The following PBLD variants were observed in gnomAD, a reference collection of about 807,000 sequenced individuals.
The protein encoded by PBLD is phenazine biosynthesis-like domain-containing protein.
In PBLD, 26 loss-of-function variants were observed where a neutral mutation model predicts 31.3. The ratio of observed to expected loss-of-function variants is 0.83; its 90% CI spans 0.61 to 1.15. The LOEUF (loss-of-function observed/expected upper bound fraction) is 1.15. Ranked by LOEUF, PBLD falls within the 50% of genes most tolerant of loss-of-function variation. PBLD has a pLI of 0.00. For synonymous variants in PBLD, 114 were observed against 129.0 expected (o/e 0.88, Z 0.79); for missense variants, 307 against 351.7 (o/e 0.87, Z 1.02).
At chr10:68,303,194 C>T (rs2134465561) in intron 2 of PBLD, among the ~76,000 whole-genome samples, 1 of 152,082 alleles carries the variant, frequency 6.6e-6, no homozygotes, top group East Asian at 1.9e-4. Flanking sequence ...CTGCCTCAGC[C>T]TACCGAGTAG....
intron 8 of PBLD, 114 bp downstream of exon 8, chr10:68,288,369 A>G: frequency 1.8e-6 from 2 of 1,125,088 alleles, no homozygotes; most frequent in East Asian, 2.4e-5. Flanking sequence ...ATAGAGGAAC[A>G]AGGCAGCTCA....
At position 68,314,924 on chromosome 10, in the gene PBLD, G is replaced by T. The variant is rs536991849; in HGVS notation, c.-59-8021C>A. Among the ~76,000 whole-genome samples the T allele has an allele frequency of 1.1e-4, 16 of 152,104 alleles. No individual in the cohort carries two copies. The East Asian group carries it at 2.1e-3, about 20-fold the overall frequency. On this transcript the variant is annotated intron_variant, in intron 1 of 9. Coordinates refer to ENST00000358769, the MANE Select transcript of PBLD (RefSeq NM_022129.4). ...TCTGCCTCAGCCTCCCAAGTAGTTG[G>T]GATTACAGGCACCCACCACCATGCC... is the stretch of plus-strand genomic sequence containing the variant.
At chr10:68,323,891 T>G (rs2044873606) in intron 1 of PBLD, among the ~76,000 whole-genome samples, 1 of 152,198 alleles carries the variant, frequency 6.6e-6, no homozygotes, top group South Asian at 2.1e-4. Context: ...AAAACTTATT[T>G]TGAAGTATAA....
chr10:68,309,570 G>T (rs1426864247), intron 1 of PBLD, among the ~76,000 whole-genome samples: 3 of 149,748 alleles, frequency 2.0e-5, no homozygotes, highest in Admixed American at 6.8e-5. Flanking sequence ...AGCACTTTGG[G>T]AGGCCGAGGC....
At chr10:68,306,487 A>G (rs544594826) in intron 2 of PBLD, among the ~76,000 whole-genome samples, 17 of 152,198 alleles carry the variant, frequency 1.1e-4, no homozygotes, top group Non-Finnish European at 2.2e-4. Context: ...TGAAAACCTG[A>G]TGGCTAAAAG....
At chr10:68,321,853 C>T (rs1313084379) in intron 1 of PBLD, among the ~76,000 whole-genome samples, 5 of 152,302 alleles carry the variant, frequency 3.3e-5, no homozygotes, top group African/African-American at 9.6e-5. Context: ...ATAACCCATA[C>T]TTACATAAAT....
At chr10:68,314,904 C>T (rs2044717039) in intron 1 of PBLD, among the ~76,000 whole-genome samples, 1 of 152,070 alleles carries the variant, frequency 6.6e-6, no homozygotes, top group South Asian at 2.1e-4. Flanking sequence ...ATTTTTCTGC[C>T]TCAGCCTCCC....
chr10:68,296,327 A>T lies in PBLD; in HGVS notation c.222T>A (p.Ser74Arg), dbSNP rs1161292266. ...CFGLRWFTPASEVPLCGHATL... is the reference protein window; with the variant it reads ...CFGLRWFTPAREVPLCGHATL... ...TGGCATGGCCACAGAGTGGGACCTC[A>T]CTCGCTGGTGTAAACCATCTCAGTC... Residue 74 changes from serine (S) to arginine (R), a missense_variant, in exon 4 of 10, where the codon AGT becomes AGA. By Grantham distance (110) the Ser-to-Arg change is moderately radical. Coordinates refer to ENST00000358769, the MANE Select transcript of PBLD (RefSeq NM_022129.4). 1.2e-6 allele frequency: 2 copies of T among 1,614,128 alleles called. No homozygotes were observed. Among genetic ancestry groups the T allele is most frequent in the Admixed American group, 1.7e-5 (1 of 60,020 alleles).
intron 2 of PBLD, among the ~76,000 whole-genome samples, chr10:68,305,612 G>A (rs1002918892): frequency 3.9e-5 from 6 of 152,070 alleles, no homozygotes; most frequent in South Asian, 2.1e-4. Context: ...AAAATTAGTC[G>A]TGCATGGTGG....
At chr10:68,308,452 A>G (rs1268369304) in intron 1 of PBLD, among the ~76,000 whole-genome samples, 1 of 152,230 alleles carries the variant, frequency 6.6e-6, no homozygotes, top group Non-Finnish European at 1.5e-5. Flanking sequence ...CTGCAGAAAA[A>G]GTATACCAAT....
At position 68,297,025 on chromosome 10, in the gene PBLD, C is replaced by CA. The variant is rs766851143; in HGVS notation, c.85-41dup. On this transcript the variant is annotated intron_variant, in intron 2 of 9. Coordinates refer to ENST00000358769, the MANE Select transcript of PBLD (RefSeq NM_022129.4). ...GACGATCATTGAGGTTTCAAAAACA[C>CA]AGATCAGACTTCCTTTGGACAACAA... The CA allele has an allele frequency of 4.8e-6, 7 of 1,466,478 alleles. No individual in the cohort carries two copies. The South Asian group carries it at 8.0e-5, about 17-fold the overall frequency. 90.8% of individuals were successfully genotyped at this position (1,466,478 alleles called of 1,614,324 possible).
At chr10:68,326,636 C>A (rs2044925180) in intron 1 of PBLD, among the ~76,000 whole-genome samples, 1 of 152,182 alleles carries the variant, frequency 6.6e-6, no homozygotes, top group Admixed American at 6.5e-5. Flanking sequence ...GAACCAGATT[C>A]ATTAACAATG....
intron 1 of PBLD, among the ~76,000 whole-genome samples, chr10:68,325,554 G>A (rs772174448): frequency 4.6e-5 from 7 of 152,146 alleles, no homozygotes; most frequent in Non-Finnish European, 1.0e-4. Context: ...AACACAGTGA[G>A]ACTGCATCTC....
intron 2 of PBLD, among the ~76,000 whole-genome samples, chr10:68,303,338 G>A (rs758985293): frequency 2.0e-5 from 3 of 151,870 alleles, no homozygotes; most frequent in South Asian, 4.2e-4. Context: ...TGCCTGCCTC[G>A]GCCTCCCAAA....
At chr10:68,307,487 T>C (rs1435982906) in intron 1 of PBLD, among the ~76,000 whole-genome samples, 2 of 151,980 alleles carry the variant, frequency 1.3e-5, no homozygotes, top group Admixed American at 6.6e-5. Context: ...GCTTAGGATC[T>C]GTTTTTTGTT....
chr10:68,313,356 T>C (rs1349387859), intron 1 of PBLD, among the ~76,000 whole-genome samples: 1 of 152,240 alleles, frequency 6.6e-6, no homozygotes, highest in East Asian at 1.9e-4. Context: ...CCCATTTGTC[T>C]ATTTTTTGTT....
chr10:68,322,663 CAAA>C (rs201985160), intron 1 of PBLD, among the ~76,000 whole-genome samples: 9 of 119,206 alleles, frequency 7.5e-5, no homozygotes, highest in Non-Finnish European at 7.2e-5. Flanking sequence ...GACCCTGTCT[CAAA>C]AAAAAAAAAA....
At chr10:68,310,431 C>T (rs1480840870) in intron 1 of PBLD, among the ~76,000 whole-genome samples, 1 of 148,068 alleles carries the variant, frequency 6.8e-6, no homozygotes, top group Non-Finnish European at 1.5e-5. Flanking sequence ...AATGCATCAC[C>T]TCACATAATC....
chr10:68,291,925 C>G lies in PBLD; in HGVS notation c.423+85G>C, dbSNP rs2044363066. 2.9e-6 allele frequency: 4 copies of G among 1,365,820 alleles called. No homozygotes were observed. The Admixed American group carries it at 5.7e-5, about 19-fold the overall frequency. The allele number at this position is 1,365,820 out of a possible 1,614,324, so 84.6% of individuals were successfully genotyped here. Reference sequence around the variant, plus strand: ...TGTAACATTTATATTGGTAAAATGCCTATCTTTGTGGATCAAATGATACCA... The same window carrying G: ...TGTAACATTTATATTGGTAAAATGCGTATCTTTGTGGATCAAATGATACCA... On this transcript the variant is annotated intron_variant, in intron 6 of 9. Coordinates refer to ENST00000358769, the MANE Select transcript of PBLD (RefSeq NM_022129.4).
Sources: allele counts gnomAD v4.1 joint callset (sites outside exome capture counted in the v4.1 genomes callset), GRCh38; gene constraint gnomAD v4.1.1; transcripts MANE v1.5; gene names NCBI Gene and HGNC (gene_info 2026-07-23, HGNC 2026-07-21).